Variants in SEMA3A observed in about 807,000 individuals in gnomAD.
The protein encoded by SEMA3A is semaphorin-3A.
SEMA3A carries 29 observed loss-of-function variants against 97.9 expected under a neutral mutation model. The observed-to-expected ratio is 0.30, with a 90% CI of 0.22 to 0.40. SEMA3A has a LOEUF of 0.40. SEMA3A is among the 10% of genes least tolerant of loss of function. The pLI is 1.00. For synonymous variants in SEMA3A, 321 were observed against 323.7 expected (o/e 0.99, Z 0.09); for missense variants, 763 against 951.3 (o/e 0.80, Z 2.60).
intron 5 of SEMA3A, among the ~76,000 whole-genome samples, chr7:84,052,232 A>C (rs1277255903): frequency 6.6e-6 from 1 of 152,044 alleles, no homozygotes; most frequent in Non-Finnish European, 1.5e-5. Flanking sequence ...TCATAAAATG[A>C]GTTAGGGAGG....
intron 3 of SEMA3A, among the ~76,000 whole-genome samples, chr7:84,289,691 G>C (rs1200025420): frequency 6.6e-6 from 1 of 152,186 alleles, no homozygotes; most frequent in East Asian, 1.9e-4. Context: ...AATGATTTTA[G>C]CTGCTGTGGA....
intron 2 of SEMA3A, among the ~76,000 whole-genome samples, chr7:84,363,907 T>C (rs774556345): frequency 1.3e-5 from 2 of 151,806 alleles, no homozygotes; most frequent in Non-Finnish European, 2.9e-5. Flanking sequence ...CTTGTGAGTG[T>C]ACTGTGCAGT....
At chr7:84,090,150 G>A (rs1428116439) in intron 4 of SEMA3A, among the ~76,000 whole-genome samples, 1 of 152,100 alleles carries the variant, frequency 6.6e-6, no homozygotes, top group Non-Finnish European at 1.5e-5. Flanking sequence ...TTATGTTGCA[G>A]TGGAGGAGTA....
At chr7:84,245,309 A>G (rs1799453872) in intron 3 of SEMA3A, among the ~76,000 whole-genome samples, 1 of 151,448 alleles carries the variant, frequency 6.6e-6, no homozygotes, top group African/African-American at 2.4e-5. Context: ...TTTTTCTCTA[A>G]TCTTGTCTTC....
At chr7:84,188,646 T>C (rs1797954382) in intron 1 of SEMA3A, among the ~76,000 whole-genome samples, 1 of 151,972 alleles carries the variant, frequency 6.6e-6, no homozygotes, top group Non-Finnish European at 1.5e-5. Flanking sequence ...TATGTGATAC[T>C]TAATATATAC....
At chr7:84,398,993 G>A (rs983220147) in intron 1 of SEMA3A, among the ~76,000 whole-genome samples, 1 of 152,118 alleles carries the variant, frequency 6.6e-6, no homozygotes, top group African/African-American at 2.4e-5. Flanking sequence ...AGAGAACAGA[G>A]TACCTGGTCT....
chr7:84,402,885 C>T (rs1480832498), intron 1 of SEMA3A, among the ~76,000 whole-genome samples: 1 of 152,020 alleles, frequency 6.6e-6, no homozygotes, highest in African/African-American at 2.4e-5. Context: ...GAGATAGTGA[C>T]TAGAATGTTG....
intron 1 of SEMA3A, among the ~76,000 whole-genome samples, chr7:84,409,494 C>T (rs1804202200): frequency 6.6e-6 from 1 of 151,860 alleles, no homozygotes; most frequent in Non-Finnish European, 1.5e-5. Context: ...TACAACTGCC[C>T]TAATGTTTTT....
At chr7:84,157,968 C>T (rs1490271109) in intron 1 of SEMA3A, among the ~76,000 whole-genome samples, 1 of 152,052 alleles carries the variant, frequency 6.6e-6, no homozygotes, top group Non-Finnish European at 1.5e-5. Flanking sequence ...CCTCAAGTCC[C>T]TGCCATAATA....
At chr7:84,219,662 AT>A (rs1168140742) in intron 3 of SEMA3A, among the ~76,000 whole-genome samples, 4 of 152,204 alleles carry the variant, frequency 2.6e-5, no homozygotes, top group African/African-American at 9.6e-5. Context: ...AAAATACTTT[AT>A]TGCTAAAAAT....
chr7:84,096,198 CAA>C (rs983507311), intron 4 of SEMA3A, among the ~76,000 whole-genome samples: 6 of 152,056 alleles, frequency 3.9e-5, no homozygotes, highest in African/African-American at 1.4e-4. Context: ...AATTAGCTGT[CAA>C]GAGAATTGAG....
intron 1 of SEMA3A, among the ~76,000 whole-genome samples, chr7:84,466,923 T>C (rs1309265338): frequency 6.6e-6 from 1 of 152,160 alleles, no homozygotes; most frequent in Non-Finnish European, 1.5e-5. Flanking sequence ...AAGTTCTTCA[T>C]AAACTTTCCT....
intron 3 of SEMA3A, among the ~76,000 whole-genome samples, chr7:84,213,726 T>C (rs1358639641): frequency 6.6e-6 from 1 of 152,218 alleles, no homozygotes; most frequent in Non-Finnish European, 1.5e-5. Flanking sequence ...TTTTCATATA[T>C]TTAATTCCAA....
rs1481721115 is a variant in SEMA3A at position 83,958,099 on chromosome 7, CATT to C, written c.*3269_*3271del. 1 of 151,978 alleles carries C rather than the reference CATT, an allele frequency of 6.6e-6. No individual in the cohort carries two copies. The highest frequency in any genetic ancestry group is 1.5e-5 in the Non-Finnish European group (1 of 67,928). 9.4% of individuals were successfully genotyped at this position (151,978 alleles called of 1,614,324 possible). A position where few individuals can be genotyped will look rare whatever the true frequency, so the allele number is the denominator to read the frequency against. ...AACCAAACTGATTATGAAAATGACA[CATT>C]ATAAAAATTTATCCCTACATTTCCT... On this transcript the variant is annotated 3_prime_UTR_variant, in exon 17 of 17. Coordinates refer to ENST00000265362, the MANE Select transcript of SEMA3A (RefSeq NM_006080.3).
chr7:83,970,858 C>T (rs1788884787), intron 15 of SEMA3A, among the ~76,000 whole-genome samples: 1 of 152,106 alleles, frequency 6.6e-6, no homozygotes. Context: ...TGCCCATAAA[C>T]TCTTGGTAAC....
At chr7:84,420,725 T>C (rs1344120623) in intron 1 of SEMA3A, among the ~76,000 whole-genome samples, 1 of 152,104 alleles carries the variant, frequency 6.6e-6, no homozygotes, top group Non-Finnish European at 1.5e-5. Context: ...TGGGAGGGTG[T>C]ATGTGTCCAG....
chr7:84,181,428 T>A (rs1562836072), intron 1 of SEMA3A, among the ~76,000 whole-genome samples: 1 of 151,820 alleles, frequency 6.6e-6, no homozygotes, highest in South Asian at 2.1e-4. Flanking sequence ...TTTTAAAAGA[T>A]AAAAGTTAGC....
chr7:83,967,704 A>C (rs1262348456), intron 15 of SEMA3A, among the ~76,000 whole-genome samples: 2 of 152,126 alleles, frequency 1.3e-5, no homozygotes, highest in Non-Finnish European at 2.9e-5. Context: ...GCAGTGAGCC[A>C]AGATCGACCC....
At chr7:84,286,720 C>G (rs1254934353) in intron 3 of SEMA3A, among the ~76,000 whole-genome samples, 1 of 152,004 alleles carries the variant, frequency 6.6e-6, no homozygotes, top group African/African-American at 2.4e-5. Context: ...CAAAAAAAAC[C>G]CCTTTCCATC....
Sources: allele counts gnomAD v4.1 joint callset (sites outside exome capture counted in the v4.1 genomes callset), GRCh38; gene constraint gnomAD v4.1.1; transcripts MANE v1.5; gene names NCBI Gene and HGNC (gene_info 2026-07-23, HGNC 2026-07-21).